PAN3: variants seen among roughly 807,000 people sequenced by gnomAD.
The protein encoded by PAN3 is poly(A) specific ribonuclease subunit PAN3.
A neutral mutation model predicts 96.2 loss-of-function variants in PAN3; 19 were observed. The observed-to-expected ratio is 0.20, with a 90% CI of 0.14 to 0.29. The LOEUF (loss-of-function observed/expected upper bound fraction) is 0.29, where lower values mean the gene tolerates loss of function less well. PAN3 is among the 10% of genes least tolerant of loss of function. The pLI, the probability that PAN3 is intolerant of heterozygous loss-of-function variation, is 1.00. For missense variants in PAN3, 882 were observed against 1,108.1 expected (o/e 0.80, Z 2.90); for synonymous variants, 433 against 406.6 (o/e 1.06, Z -0.78).
intron 7 of PAN3, among the ~76,000 whole-genome samples, chr13:28,258,781 TC>T (rs1336838666): frequency 6.6e-6 from 1 of 152,154 alleles, no homozygotes; most frequent in Non-Finnish European, 1.5e-5. Context: ...ATAGCAAAAT[TC>T]CTGGGTGCTC....
intron 18 of PAN3, among the ~76,000 whole-genome samples, chr13:28,289,677 C>G (rs1047863742): frequency 2.0e-5 from 3 of 152,212 alleles, no homozygotes; most frequent in Non-Finnish European, 2.9e-5. Flanking sequence ...GTCAGGAGAT[C>G]GAGACCATCC....
At chr13:28,187,238 G>T (rs1166647710) in intron 4 of PAN3, among the ~76,000 whole-genome samples, 1 of 152,026 alleles carries the variant, frequency 6.6e-6, no homozygotes, top group Non-Finnish European at 1.5e-5. Flanking sequence ...GAGGTGGGAG[G>T]ATCACCTAAG....
At chr13:28,259,131 AT>A (rs546959673) in intron 7 of PAN3, among the ~76,000 whole-genome samples, 193 of 144,742 alleles carry the variant, frequency 1.3e-3, no homozygotes, top group Middle Eastern at 7.0e-3. Context: ...TTCTCATTAG[AT>A]TTTTTTTTTT....
At chr13:28,257,100 A>G (rs987784637) in intron 7 of PAN3, among the ~76,000 whole-genome samples, 3 of 152,174 alleles carry the variant, frequency 2.0e-5, no homozygotes, top group Admixed American at 6.5e-5. Context: ...CGAAAGAGCT[A>G]CCAAAGGACT....
chr13:28,221,258 GTATCT>G (rs1156503955), intron 6 of PAN3, among the ~76,000 whole-genome samples: 1 of 151,818 alleles, frequency 6.6e-6, no homozygotes, highest in Non-Finnish European at 1.5e-5. Flanking sequence ...GAGCAGATTG[GTATCT>G]TATGTTTGTC....
chr13:28,271,732 A>G (rs1886639014), intron 13 of PAN3, among the ~76,000 whole-genome samples: 1 of 152,170 alleles, frequency 6.6e-6, no homozygotes, highest in Non-Finnish European at 1.5e-5. Context: ...TAGTCAAGAG[A>G]TGTGAGTTAT....
intron 6 of PAN3, among the ~76,000 whole-genome samples, chr13:28,226,949 A>G (rs1882065042): frequency 6.6e-6 from 1 of 152,230 alleles, no homozygotes; most frequent in South Asian, 2.1e-4. Flanking sequence ...CAAGTAAATT[A>G]ACAACTATTT....
At chr13:28,155,051 C>T (rs1303133510) in intron 1 of PAN3, among the ~76,000 whole-genome samples, 7 of 149,790 alleles carry the variant, frequency 4.7e-5, no homozygotes, top group Non-Finnish European at 8.9e-5. Flanking sequence ...CTCCTGACCT[C>T]GTGATCCACC....
At chr13:28,276,950 T>A (rs1887111901) in intron 14 of PAN3, among the ~76,000 whole-genome samples, 1 of 152,204 alleles carries the variant, frequency 6.6e-6, no homozygotes, top group African/African-American at 2.4e-5. Flanking sequence ...TGGGAATTGC[T>A]TAAAGTCTCT....
chr13:28,146,220 A>G (rs1239906169), intron 1 of PAN3, among the ~76,000 whole-genome samples: 1 of 151,942 alleles, frequency 6.6e-6, no homozygotes, highest in Non-Finnish European at 1.5e-5. Context: ...ATTGTATGGT[A>G]TAGACATATA....
At chr13:28,254,728 T>C (rs1174427933) in intron 6 of PAN3, among the ~76,000 whole-genome samples, 1 of 152,192 alleles carries the variant, frequency 6.6e-6, no homozygotes, top group East Asian at 1.9e-4. Context: ...AGTTTGGGTT[T>C]TTTTAAAGTT....
intron 1 of PAN3, among the ~76,000 whole-genome samples, chr13:28,149,596 G>A (rs758053176): frequency 6.6e-6 from 1 of 151,950 alleles, no homozygotes; most frequent in Non-Finnish European, 1.5e-5. Flanking sequence ...TTTACTAGTC[G>A]ATCTACATTC....
intron 14 of PAN3, among the ~76,000 whole-genome samples, chr13:28,273,835 TTCTTC>T (rs1593615080): frequency 6.6e-6 from 1 of 152,230 alleles, no homozygotes; most frequent in Admixed American, 6.5e-5. Context: ...AAACACCTTA[TTCTTC>T]TCTTTTCAAC....
chr13:28,267,719 C>G (rs577804977), intron 12 of PAN3, among the ~76,000 whole-genome samples: 2 of 152,192 alleles, frequency 1.3e-5, no homozygotes, highest in East Asian at 1.9e-4. Flanking sequence ...AGGGGTTTCC[C>G]CCTGTAAAAC....
At chr13:28,210,301 G>A (rs1879878632) in intron 5 of PAN3, among the ~76,000 whole-genome samples, 1 of 152,140 alleles carries the variant, frequency 6.6e-6, no homozygotes, top group Admixed American at 6.5e-5. Flanking sequence ...CCATTCTAAT[G>A]TAAAGCTTGT....
chr13:28,191,531 G>C (rs1877256754), intron 4 of PAN3, among the ~76,000 whole-genome samples: 1 of 152,042 alleles, frequency 6.6e-6, no homozygotes, highest in Non-Finnish European at 1.5e-5. Flanking sequence ...GCACAAGACA[G>C]CCCCCCACAA....
chr13:28,267,750 A>G (rs1886304973), intron 12 of PAN3, among the ~76,000 whole-genome samples: 1 of 152,204 alleles, frequency 6.6e-6, no homozygotes, highest in Admixed American at 6.5e-5. Context: ...CATGAGACCT[A>G]TTCACTACCA....
chr13:28,274,919 G>A (rs988473974), intron 14 of PAN3, among the ~76,000 whole-genome samples: 8 of 152,134 alleles, frequency 5.3e-5, no homozygotes, highest in Non-Finnish European at 1.0e-4. Context: ...TTCATAGTTT[G>A]TTTCAGACAC....
chr13:28,282,434 A>G (rs945994014), intron 17 of PAN3, among the ~76,000 whole-genome samples: 2 of 152,130 alleles, frequency 1.3e-5, no homozygotes, highest in East Asian at 3.8e-4. Flanking sequence ...TTCTAAGTGA[A>G]GAGAACATAA....
Sources: allele counts gnomAD v4.1 joint callset (sites outside exome capture counted in the v4.1 genomes callset), GRCh38; gene constraint gnomAD v4.1.1; transcripts MANE v1.5; gene names NCBI Gene and HGNC (gene_info 2026-07-23, HGNC 2026-07-21).